LYZL4: variants seen among roughly 807,000 people sequenced by gnomAD.
LYZL4 encodes the protein lysozyme-like protein 4.
A neutral mutation model predicts 17.6 loss-of-function variants in LYZL4; 13 were observed. The observed-to-expected ratio is 0.74, with a 90% confidence interval of 0.48 to 1.18. LYZL4 has a LOEUF of 1.18. LYZL4 is among the 50% of genes most tolerant of loss of function. LYZL4 has a pLI of 0.00. For missense variants in LYZL4, 174 were observed against 188.2 expected (o/e 0.92, Z 0.44); for synonymous variants, 64 against 67.7 (o/e 0.95, Z 0.27).
downstream of LYZL4, among the ~76,000 whole-genome samples, chr3:42,393,365 A>ACACACACACAC (rs58998057): frequency 6.6e-6 from 1 of 150,870 alleles, no homozygotes; most frequent in African/African-American, 2.4e-5. Flanking sequence ...ACACACACAC[A>ACACACACACAC]ACCAGGCCCT....
chr3:42,386,450 C>T, the LYZL4 span, among the ~76,000 whole-genome samples: 1 of 138,358 alleles, frequency 7.2e-6, no homozygotes, highest in Non-Finnish European at 1.5e-5. Flanking sequence ...TTACTTTGGG[C>T]CCAAATGGAT....
At chr3:42,364,624 C>T in the LYZL4 span, among the ~76,000 whole-genome samples, 1 of 152,134 alleles carries the variant, frequency 6.6e-6, no homozygotes, top group Non-Finnish European at 1.5e-5. Context: ...GGATTACAGG[C>T]ATGAGCCACT....
At chr3:42,385,267 G>A in the LYZL4 span, among the ~76,000 whole-genome samples, 1 of 151,916 alleles carries the variant, frequency 6.6e-6, no homozygotes, top group East Asian at 1.9e-4. Context: ...TCAACAAGTG[G>A]TGGTCCCATA....
the LYZL4 span, among the ~76,000 whole-genome samples, chr3:42,364,509 A>C: frequency 6.6e-6 from 1 of 150,394 alleles, no homozygotes; most frequent in South Asian, 2.1e-4. Context: ...CGCCCAGCTA[A>C]TTTTTTTGTA....
At chr3:42,376,739 G>A in the LYZL4 span, among the ~76,000 whole-genome samples, 12 of 152,074 alleles carry the variant, frequency 7.9e-5, no homozygotes, top group Non-Finnish European at 1.6e-4. Context: ...ACCTCAACAG[G>A]GTGCCTGCCC....
downstream of LYZL4, among the ~76,000 whole-genome samples, chr3:42,395,877 A>G (rs1398823022): frequency 6.6e-6 from 1 of 152,122 alleles, no homozygotes; most frequent in Admixed American, 6.5e-5. Context: ...CCTGGCCAAC[A>G]TGGTGAAACC....
At chr3:42,395,248 G>T (rs1420449247), downstream of LYZL4, among the ~76,000 whole-genome samples, 1 of 152,150 alleles carries the variant, frequency 6.6e-6, no homozygotes, top group Non-Finnish European at 1.5e-5. Flanking sequence ...AATTGATTTG[G>T]ATCTTGCCTG....
chr3:42,380,409 G>A, the LYZL4 span, among the ~76,000 whole-genome samples: 576 of 152,294 alleles, frequency 3.8e-3, 3 homozygotes, highest in African/African-American at 0.013. Flanking sequence ...TAAATAAAAC[G>A]TTGGAGCTAA....
the LYZL4 span, among the ~76,000 whole-genome samples, chr3:42,383,755 C>T: frequency 1.3e-5 from 2 of 151,758 alleles, no homozygotes; most frequent in Admixed American, 6.6e-5. Flanking sequence ...ACATAAAAAA[C>T]ATGAAAATAG....
intron 4 of LYZL4, among the ~76,000 whole-genome samples, chr3:42,402,205 C>T (rs1698668028): frequency 6.7e-6 from 1 of 150,300 alleles, no homozygotes; most frequent in African/African-American, 2.4e-5. Flanking sequence ...ACTCGGGAGG[C>T]TGAGGCAGGA....
chr3:42,409,362 A>G (rs561488118), intron 1 of LYZL4, among the ~76,000 whole-genome samples: 1 of 152,314 alleles, frequency 6.6e-6, no homozygotes, highest in African/African-American at 2.4e-5. Flanking sequence ...GATGTATCAA[A>G]CCTGTACATT....
chr3:42,409,627 A>C (rs1182263119), intron 1 of LYZL4, among the ~76,000 whole-genome samples: 1 of 152,132 alleles, frequency 6.6e-6, no homozygotes, highest in African/African-American at 2.4e-5. Flanking sequence ...TTCTGCCATC[A>C]TCCTAATCCA....
downstream of LYZL4, among the ~76,000 whole-genome samples, chr3:42,393,337 GCACA>G (rs3071913): frequency 6.9e-4 from 103 of 148,904 alleles, no homozygotes; most frequent in South Asian, 4.1e-3. Flanking sequence ...GTGTGCGCGT[GCACA>G]CACACACACA....
chr3:42,390,475 A>C, the LYZL4 span, among the ~76,000 whole-genome samples: 2 of 152,126 alleles, frequency 1.3e-5, no homozygotes, highest in African/African-American at 4.8e-5. Flanking sequence ...ATCAATCCCC[A>C]GAGGGACTAA....
At chr3:42,393,484 G>A (rs1157370216), downstream of LYZL4, among the ~76,000 whole-genome samples, 2 of 152,176 alleles carry the variant, frequency 1.3e-5, no homozygotes, top group East Asian at 1.9e-4. Context: ...ACTGCTGCCC[G>A]CTCAACATCA....
chr3:42,396,799 A>G (rs1213860520), downstream of LYZL4, among the ~76,000 whole-genome samples: 1 of 152,166 alleles, frequency 6.6e-6, no homozygotes. Flanking sequence ...TGCAAAGAGG[A>G]TTCTGTGGTC....
the LYZL4 span, among the ~76,000 whole-genome samples, chr3:42,362,203 A>T: frequency 6.6e-6 from 1 of 152,356 alleles, no homozygotes; most frequent in South Asian, 2.1e-4. Flanking sequence ...TATTCTGAAA[A>T]TTATAATTAA....
At chr3:42,401,486 G>T (rs1282549955) in intron 4 of LYZL4, among the ~76,000 whole-genome samples, 5 of 151,886 alleles carry the variant, frequency 3.3e-5, no homozygotes, top group Non-Finnish European at 4.4e-5. Context: ...AAAGTGCTGG[G>T]GATTATAGGC....
chr3:42,400,779 CG>C (rs1047069709), intron 4 of LYZL4, among the ~76,000 whole-genome samples: 10 of 151,416 alleles, frequency 6.6e-5, no homozygotes, highest in Non-Finnish European at 1.2e-4. Flanking sequence ...AAATGTGGGA[CG>C]GGGGGAGAAA....
Sources: gnomAD v4.1 joint callset for allele counts (sites outside exome capture counted in the v4.1 genomes callset) on GRCh38, gnomAD v4.1.1 for gene constraint, MANE v1.5 for transcripts, NCBI Gene and HGNC (gene_info 2026-07-23, HGNC 2026-07-21) for gene names.